DCHS2: variants seen among roughly 807,000 people sequenced by gnomAD.
DCHS2 encodes protocadherin-23.
In DCHS2, 142 loss-of-function variants were observed where a neutral mutation model predicts 182.4. The ratio of observed to expected loss-of-function variants is 0.78; its 90% CI spans 0.68 to 0.89. The LOEUF is 0.89. DCHS2 is among the 40% of genes least tolerant of loss of function. The pLI is 0.00. For missense variants in DCHS2, 4,319 were observed against 4,198.6 expected (o/e 1.03, Z -0.79); for synonymous variants, 1,740 against 1,663.3 (o/e 1.05, Z -1.12).
Position 154,417,198 on chromosome 4 carries a change from T to TGA in DCHS2, c.2053-39755_2053-39754insTC, listed in dbSNP as rs1732881422. ...GTGTGTGTGTGTGTGTGTGTGTGTG[T>TGA]GTGTGTGAGAGAGAGAGAGAGAGAG... is the stretch of plus-strand genomic sequence containing the variant. On this transcript the variant is annotated intron_variant, in intron 1 of 19. Transcript: ENST00000357232. 8.9e-4 allele frequency among the ~76,000 whole-genome samples: 58 copies of TGA among 65,314 alleles called. 1 individual carries two copies. Among genetic ancestry groups the TGA allele is most frequent in the Middle Eastern group, 0.011 (1 of 94 alleles). 42.8% of individuals were successfully genotyped at this position (65,314 alleles called of 152,430 possible). A position where few individuals can be genotyped will look rare whatever the true frequency, so the allele number is the denominator to read the frequency against.
chr4:154,243,139 C>T (rs954435346), intron 16 of DCHS2, among the ~76,000 whole-genome samples: 1 of 152,154 alleles, frequency 6.6e-6, no homozygotes, highest in African/African-American at 2.4e-5. Context: ...TTCCACCTTG[C>T]CATGCCCTGG....
At chr4:154,483,019 A>C (rs1735980651) in intron 1 of DCHS2, among the ~76,000 whole-genome samples, 1 of 152,240 alleles carries the variant, frequency 6.6e-6, no homozygotes, top group Non-Finnish European at 1.5e-5. Context: ...ATATTAAAAT[A>C]CCATACTTAA....
intron 1 of DCHS2, among the ~76,000 whole-genome samples, chr4:154,422,364 A>G (rs1249930506): frequency 1.3e-5 from 2 of 152,190 alleles, no homozygotes; most frequent in African/African-American, 4.8e-5. Flanking sequence ...ACTCATCAAG[A>G]CATACTGGTC....
At chr4:154,293,891 G>A (rs1734787686) in intron 13 of DCHS2, among the ~76,000 whole-genome samples, 1 of 152,160 alleles carries the variant, frequency 6.6e-6, no homozygotes, top group African/African-American at 2.4e-5. Context: ...CCCTGTGGAG[G>A]CCCCAAGCTT....
chr4:154,298,540 T>A lies in DCHS2; in HGVS notation c.5774A>T (p.Asp1925Val), dbSNP rs1462910410. 1 of 1,614,142 alleles carries A rather than the reference T, an allele frequency of 6.2e-7. No homozygotes were observed. Among genetic ancestry groups the A allele is most frequent in the Admixed American group, 1.7e-5 (1 of 60,018 alleles). Reference protein sequence around the residue: ...SVIHLQVRVLDANDHSPSFPT... With the variant: ...SVIHLQVRVLVANDHSPSFPT... ...AAAAGAAGGACTGTGGTCATTGGCA[T>A]CCAAAACTCTAACTTGCAGGTGTAT... is the stretch of plus-strand genomic sequence containing the variant. The change falls in exon 13 of 20, where the codon GAT (aspartate) becomes GTT (valine). Residue 1925 changes from aspartate to valine, a missense_variant. By Grantham distance (152) the Asp-to-Val change is radical. Transcript: ENST00000357232.
rs763867001 is a variant in DCHS2 at position 154,235,592 on chromosome 4, T to C, written c.9060A>G (p.Lys3020=). 11 of 1,613,876 alleles carry C rather than the reference T, an allele frequency of 6.8e-6. No individual in the cohort carries two copies. The highest frequency in any genetic ancestry group is 1.3e-5 in the African/African-American group (1 of 74,904). Residue 3020 remains lysine (K), a synonymous_variant, in exon 20 of 20, where the codon AAA becomes AAG. Transcript: ENST00000357232. Reference sequence around the variant, plus strand: ...CATAATTGTTTATTGTGTCTTTTTGTTTATGTCTTAAAATCATTACAATTA... The same window carrying C: ...CATAATTGTTTATTGTGTCTTTTTGCTTATGTCTTAAAATCATTACAATTA... The part of the protein sequence containing the change: ...CILIVMILRH[K]QKDTINNYEE...
At position 154,489,952 on chromosome 4, in the gene DCHS2, A is replaced by C. The variant is rs6536016; in HGVS notation, c.1404T>G (p.Ser468=). 0.98 allele frequency: 1,518,536 copies of C among 1,542,866 alleles called. 750,338 individuals are homozygous for C. Among genetic ancestry groups the C allele is most frequent in the East Asian group, 1 (40,632 of 40,634 alleles). The part of the protein sequence containing the change: ...LGVGLGDGSI[S]LSLEGGEGDF... ...CTCCCTCTCCGCCTTCCAAGGACAG[A>C]GAGATGCTCCCGTCTCCAAGACCCA... is the stretch of plus-strand genomic sequence containing the variant. Residue 468 remains serine, a synonymous_variant, in exon 1 of 20, where the codon TCT becomes TCG. Transcript: ENST00000357232.
chr4:154,314,654 T>A (rs933329701), intron 10 of DCHS2, among the ~76,000 whole-genome samples: 16 of 152,296 alleles, frequency 1.1e-4, no homozygotes, highest in Admixed American at 5.2e-4. Context: ...AAATTAACAA[T>A]GTACAAGGAA....
At chr4:154,259,861 C>T (rs889297515) in intron 14 of DCHS2, 105 bp from the exon 15 acceptor site, 21 of 1,288,190 alleles carry the variant, frequency 1.6e-5, no homozygotes, top group African/African-American at 1.3e-4. Flanking sequence ...CTCGCACTGT[C>T]GCCCAGGCTG....
In DCHS2 at chr4:154,490,025, G is replaced by C; in HGVS notation, c.1331C>G (p.Ala444Gly). The C allele has an allele frequency of 6.5e-7, 1 of 1,547,834 alleles. No individual in the cohort carries two copies. Among genetic ancestry groups the C allele is most frequent in the Non-Finnish European group, 8.7e-7 (1 of 1,146,932 alleles). The stretch of plus-strand genomic sequence containing the variant: ...ATCTTCCTTCTCCCAGTCACCGTCC[G>C]CGTCAGACACCGAGACGCGAGCCAC... ...DYVARVSVSD[A>G]DGDWEKEDEA... The change falls in exon 1 of 20, where the codon GCG becomes GGG. Residue 444 changes from alanine to glycine, a missense_variant. Ala to Gly is a moderately conservative substitution (Grantham distance 60). Transcript: ENST00000357232.
chr4:154,399,877 T>C (rs968041185), intron 1 of DCHS2, among the ~76,000 whole-genome samples: 4 of 152,212 alleles, frequency 2.6e-5, no homozygotes, highest in African/African-American at 9.6e-5. Flanking sequence ...AGAGAGGATA[T>C]GCTACGCTGC....
intron 1 of DCHS2, among the ~76,000 whole-genome samples, chr4:154,486,154 T>C (rs1728574654): frequency 6.6e-6 from 1 of 152,238 alleles, no homozygotes; most frequent in South Asian, 2.1e-4. Context: ...AAAAACCTTT[T>C]GCAGCTAGAG....
At chr4:154,331,581 ACCT>A in intron 5 of DCHS2, 1 of 1,607,824 alleles carries the variant, frequency 6.2e-7, no homozygotes, top group Non-Finnish European at 8.5e-7. Context: ...GTGAAAGGTC[ACCT>A]TCTCCTAATT....
chr4:154,251,612 G>C (rs571942178), intron 16 of DCHS2, among the ~76,000 whole-genome samples: 7 of 152,074 alleles, frequency 4.6e-5, no homozygotes, highest in African/African-American at 1.7e-4. Context: ...TCCACCTTCC[G>C]GGTTCAAGCG....
In DCHS2 at chr4:154,269,299, G is replaced by C. The variant is rs372686291; in HGVS notation, c.6577+601C>G. 25 of 152,422 alleles carry C rather than the reference G, an allele frequency of 1.6e-4. No individual in the cohort carries two copies. The South Asian group carries it at 4.8e-3, about 29-fold the overall frequency. 9.4% of individuals were successfully genotyped at this position (152,422 alleles called of 1,614,324 possible). A position where few individuals can be genotyped will look rare whatever the true frequency, so the allele number is the denominator to read the frequency against. ...AGACATTATTAGAAACATTCTTCTTGAAGTTTGACAACAAAGCAGTAGATG... is the reference window on the plus strand; with the variant it reads ...AGACATTATTAGAAACATTCTTCTTCAAGTTTGACAACAAAGCAGTAGATG... On this transcript the variant is annotated intron_variant, in intron 14 of 19. Transcript: ENST00000357232.
At chr4:154,430,895 T>G (rs2110934491) in intron 1 of DCHS2, among the ~76,000 whole-genome samples, 1 of 152,292 alleles carries the variant, frequency 6.6e-6, no homozygotes, top group Non-Finnish European at 1.5e-5. Context: ...TGCAAGTGCT[T>G]CTGGGCTCTC....
intron 1 of DCHS2, among the ~76,000 whole-genome samples, chr4:154,395,413 A>C (rs904691187): frequency 2.6e-5 from 4 of 152,126 alleles, no homozygotes; most frequent in Non-Finnish European, 5.9e-5. Flanking sequence ...AATGCCATCT[A>C]GGAGACTCTG....
intron 1 of DCHS2, among the ~76,000 whole-genome samples, chr4:154,458,927 C>G (rs771876100): frequency 7.9e-5 from 12 of 152,130 alleles, no homozygotes; most frequent in Admixed American, 4.6e-4. Context: ...AACATCATTA[C>G]AATACTCTGA....
intron 14 of DCHS2, among the ~76,000 whole-genome samples, chr4:154,265,094 A>T (rs557898686): frequency 1.3e-5 from 2 of 152,240 alleles, no homozygotes; most frequent in South Asian, 4.1e-4. Flanking sequence ...TCATTTTCAG[A>T]TATGATTTTA....
Sources: allele counts gnomAD v4.1 joint callset (sites outside exome capture counted in the v4.1 genomes callset), GRCh38; gene constraint gnomAD v4.1.1; transcripts MANE v1.5; gene names NCBI Gene and HGNC (gene_info 2026-07-23, HGNC 2026-07-21).